The following GRID2 variants were observed in gnomAD, a reference collection of about 807,000 sequenced individuals.
GRID2 encodes the protein glutamate ionotropic receptor delta type subunit 2, also known as glutamate receptor ionotropic, delta-2.
In GRID2, 33 loss-of-function variants were observed where a neutral mutation model predicts 114.8. The observed-to-expected ratio is 0.29, with a 90% confidence interval of 0.22 to 0.38. The LOEUF (loss-of-function observed/expected upper bound fraction) is 0.38, where lower values mean the gene tolerates loss of function less well. Ranked by LOEUF, GRID2 falls within the 10% of genes least tolerant of loss-of-function variation. The pLI, the probability that GRID2 is intolerant of heterozygous loss-of-function variation, is 1.00. For synonymous variants in GRID2, 505 were observed against 449.9 expected (o/e 1.12, Z -1.55); for missense variants, 1,184 against 1,257.7 (o/e 0.94, Z 0.89).
At chr4:92,469,810 AG>A (rs1236381983) in intron 1 of GRID2, among the ~76,000 whole-genome samples, 4 of 152,038 alleles carry the variant, frequency 2.6e-5, no homozygotes, top group Non-Finnish European at 2.9e-5. Context: ...GATACTTGGA[AG>A]AAAAAACAAA....
chr4:93,231,731 G>C (rs1746173332), intron 7 of GRID2, among the ~76,000 whole-genome samples: 2 of 152,230 alleles, frequency 1.3e-5, no homozygotes, highest in Middle Eastern at 3.4e-3. Flanking sequence ...CTACAGACTA[G>C]TACGTTGGAT....
chr4:92,741,135 C>T (rs187145445), intron 2 of GRID2, among the ~76,000 whole-genome samples: 6 of 152,196 alleles, frequency 3.9e-5, no homozygotes, highest in East Asian at 3.9e-4. Context: ...GTTCAAATTA[C>T]GTCTCTTACT....
intron 2 of GRID2, among the ~76,000 whole-genome samples, chr4:92,795,117 GGGTGGCAGAGCAGAACA>G (rs1739798941): frequency 6.6e-6 from 1 of 151,630 alleles, no homozygotes; most frequent in African/African-American, 2.4e-5. Flanking sequence ...GGCTGTTTTA[GGGTGGCAGAGCAGAACA>G]GGTGGAGGAG....
At chr4:92,542,781 A>G (rs766852959) in intron 1 of GRID2, among the ~76,000 whole-genome samples, 1 of 152,164 alleles carries the variant, frequency 6.6e-6, no homozygotes, top group Non-Finnish European at 1.5e-5. Flanking sequence ...TATTGAAATA[A>G]AAATTTAAAA....
At chr4:93,105,615 C>G (rs1308837221) in intron 3 of GRID2, among the ~76,000 whole-genome samples, 1 of 152,088 alleles carries the variant, frequency 6.6e-6, no homozygotes, top group East Asian at 1.9e-4. Flanking sequence ...TCTGGTGGCT[C>G]TAGGGAAGAG....
At chr4:93,128,060 C>G (rs13434438) in intron 4 of GRID2, among the ~76,000 whole-genome samples, 2 of 68,860 alleles carry the variant, frequency 2.9e-5, no homozygotes, top group Non-Finnish European at 5.9e-5. Context: ...AAAAAAAAAA[C>G]AACAGTACGT....
chr4:93,020,751 G>T (rs1433306928), intron 2 of GRID2, among the ~76,000 whole-genome samples: 2 of 151,926 alleles, frequency 1.3e-5, no homozygotes, highest in Non-Finnish European at 2.9e-5. Context: ...GAAATATATG[G>T]GCTGGGTGCG....
At chr4:92,308,871 T>C (rs1384853839) in intron 1 of GRID2, among the ~76,000 whole-genome samples, 1 of 152,104 alleles carries the variant, frequency 6.6e-6, no homozygotes, top group Admixed American at 6.5e-5. Flanking sequence ...TAGTTGTTTG[T>C]TCCTGAAGTT....
intron 13 of GRID2, among the ~76,000 whole-genome samples, chr4:93,560,241 A>AAAAAAAAAAAAAG (rs1734784545): frequency 6.7e-6 from 1 of 150,238 alleles, no homozygotes; most frequent in African/African-American, 2.4e-5. Context: ...AAAAAAAAAA[A>AAAAAAAAAAAAAG]AAAAAAAAAA....
chr4:93,468,448 G>C (rs141874211), intron 11 of GRID2, among the ~76,000 whole-genome samples: 40 of 152,262 alleles, frequency 2.6e-4, no homozygotes, highest in African/African-American at 8.2e-4. Flanking sequence ...AGGAGAATTG[G>C]AAGTATGTAT....
intron 6 of GRID2, among the ~76,000 whole-genome samples, chr4:93,220,699 T>C (rs535242501): frequency 1.3e-5 from 2 of 152,156 alleles, no homozygotes; most frequent in African/African-American, 2.4e-5. Context: ...CACCAGGGTT[T>C]CTTTTGTCCA....
chr4:93,009,006 G>A (rs1193519394), intron 2 of GRID2, among the ~76,000 whole-genome samples: 4 of 152,028 alleles, frequency 2.6e-5, no homozygotes, highest in African/African-American at 9.7e-5. Flanking sequence ...TAGTTTTTTA[G>A]GTTAGATTGT....
intron 12 of GRID2, among the ~76,000 whole-genome samples, chr4:93,502,597 T>G (rs1728217064): frequency 6.6e-6 from 1 of 151,922 alleles, no homozygotes; most frequent in Non-Finnish European, 1.5e-5. Context: ...CCCTCCACAC[T>G]CTACTGCTAA....
At chr4:93,532,479 C>T (rs1453851555) in intron 13 of GRID2, among the ~76,000 whole-genome samples, 1 of 152,148 alleles carries the variant, frequency 6.6e-6, no homozygotes, top group Non-Finnish European at 1.5e-5. Context: ...TCAAATTATA[C>T]TGTCAGAAAT....
chr4:93,735,482 C>A (rs563420404), intron 14 of GRID2, among the ~76,000 whole-genome samples: 9 of 152,022 alleles, frequency 5.9e-5, no homozygotes, highest in African/African-American at 2.2e-4. Flanking sequence ...TCTTTAAGTT[C>A]TTTCATTTTC....
At chr4:93,581,268 T>G (rs1216215399) in intron 13 of GRID2, among the ~76,000 whole-genome samples, 1 of 152,164 alleles carries the variant, frequency 6.6e-6, no homozygotes, top group African/African-American at 2.4e-5. Flanking sequence ...GGAGAATATT[T>G]TCTTATTCAT....
At chr4:92,494,326 T>C (rs1340719169) in intron 1 of GRID2, among the ~76,000 whole-genome samples, 1 of 151,964 alleles carries the variant, frequency 6.6e-6, no homozygotes, top group Non-Finnish European at 1.5e-5. Context: ...TAAAAAATTT[T>C]CAGGAAAATT....
chr4:93,043,209 T>C (rs966388740), intron 2 of GRID2, among the ~76,000 whole-genome samples: 2 of 152,186 alleles, frequency 1.3e-5, no homozygotes, highest in African/African-American at 4.8e-5. Flanking sequence ...TGTTGGTAAC[T>C]TTCAAGATCA....
At chr4:92,316,480 AC>A (rs1331955669) in intron 1 of GRID2, among the ~76,000 whole-genome samples, 3 of 152,154 alleles carry the variant, frequency 2.0e-5, no homozygotes, top group Non-Finnish European at 4.4e-5. Flanking sequence ...CATTTGCAGA[AC>A]ATATCAATTT....
Sources: gnomAD v4.1 joint callset for allele counts (sites outside exome capture counted in the v4.1 genomes callset) on GRCh38, gnomAD v4.1.1 for gene constraint, MANE v1.5 for transcripts, NCBI Gene and HGNC (gene_info 2026-07-23, HGNC 2026-07-21) for gene names.